Variants in BNC2 observed in about 807,000 individuals in gnomAD.
BNC2 encodes basonuclin zinc finger protein 2.
Under a neutral mutation model 76.3 loss-of-function variants are expected in BNC2, and 20 were observed. That is an observed-to-expected ratio of 0.26 (90% CI 0.18 to 0.38). The LOEUF (loss-of-function observed/expected upper bound fraction) is 0.38. Among genes scored for constraint, BNC2 ranks in the 10% least tolerant of loss-of-function variants. The pLI, the probability that BNC2 is intolerant of heterozygous loss-of-function variation, is 1.00. For missense variants in BNC2, 1,382 were observed against 1,399.8 expected, an observed-to-expected ratio of 0.99 and a Z score of 0.20; for synonymous variants, 582 against 514.8, an observed-to-expected ratio of 1.13 and a Z score of -1.77.
intron 3 of BNC2, among the ~76,000 whole-genome samples, chr9:16,606,449 T>C (rs1219808761): frequency 2.0e-5 from 3 of 152,066 alleles, no homozygotes; most frequent in East Asian, 1.9e-4. Context: ...GACAGACCCA[T>C]GGGAGATGGC....
At chr9:16,421,223 G>T (rs1820703101) in intron 6 of BNC2, 3 of 1,273,804 alleles carry the variant, frequency 2.4e-6, no homozygotes, top group Admixed American at 2.4e-5. Flanking sequence ...GCAGAGGGCA[G>T]CAGCCCTCTC....
At chr9:16,527,715 C>T (rs1817852913) in intron 5 of BNC2, among the ~76,000 whole-genome samples, 2 of 152,090 alleles carry the variant, frequency 1.3e-5, no homozygotes, top group East Asian at 1.9e-4. Flanking sequence ...TATTTATAAG[C>T]GAATAGTTAA....
At chr9:16,472,641 C>T (rs150499959) in intron 5 of BNC2, among the ~76,000 whole-genome samples, 10 of 152,170 alleles carry the variant, frequency 6.6e-5, no homozygotes, top group Non-Finnish European at 1.5e-4. Context: ...TGGTCCACTT[C>T]TTATAATCCT....
At chr9:16,433,657 C>T (rs1054732661) in intron 6 of BNC2, among the ~76,000 whole-genome samples, 4 of 152,278 alleles carry the variant, frequency 2.6e-5, no homozygotes, top group African/African-American at 4.8e-5. Context: ...AATATACAAG[C>T]GCTTGCGTTT....
intron 4 of BNC2, among the ~76,000 whole-genome samples, chr9:16,563,476 C>A (rs570318764): frequency 6.6e-5 from 10 of 152,106 alleles, no homozygotes; most frequent in African/African-American, 1.9e-4. Flanking sequence ...AATTATAAAT[C>A]ATTATTTGAT....
intron 3 of BNC2, among the ~76,000 whole-genome samples, chr9:16,622,727 G>A (rs960578059): frequency 6.6e-6 from 1 of 152,090 alleles, no homozygotes; most frequent in Non-Finnish European, 1.5e-5. Context: ...TAGGTGGGTG[G>A]CCAGGCCAGG....
chr9:16,679,026 A>G (rs559743178), intron 3 of BNC2, among the ~76,000 whole-genome samples: 2 of 152,296 alleles, frequency 1.3e-5, no homozygotes, highest in Admixed American at 6.5e-5. Flanking sequence ...TCTCACAGGA[A>G]CATTCGTATC....
intron 5 of BNC2, among the ~76,000 whole-genome samples, chr9:16,536,226 T>A (rs986864300): frequency 1.3e-5 from 2 of 152,220 alleles, no homozygotes; most frequent in Non-Finnish European, 2.9e-5. Context: ...GGTTCTTGTA[T>A]ACCTTTCTAT....
chr9:16,812,235 G>A (rs927616362), intron 1 of BNC2, among the ~76,000 whole-genome samples: 2 of 152,226 alleles, frequency 1.3e-5, no homozygotes, highest in African/African-American at 2.4e-5. Context: ...AGGGCTCTGG[G>A]CTTGGAGGTT....
At chr9:16,849,722 C>T (rs10481508) in intron 1 of BNC2, among the ~76,000 whole-genome samples, 127,573 of 152,000 alleles carry the variant, frequency 0.84, 54,418 homozygotes, top group Non-Finnish European at 0.93. Flanking sequence ...AGAAGTTCAA[C>T]AACACAGATT....
intron 1 of BNC2, among the ~76,000 whole-genome samples, chr9:16,753,622 C>A (rs936716951): frequency 6.6e-6 from 1 of 152,148 alleles, no homozygotes. Flanking sequence ...ACACTGCCAA[C>A]GGGTAAGTCT....
At chr9:16,438,721 T>C (rs1210936595) in intron 5 of BNC2, among the ~76,000 whole-genome samples, 2 of 151,530 alleles carry the variant, frequency 1.3e-5, no homozygotes, top group South Asian at 2.1e-4. Context: ...AATGACAAGA[T>C]ACTTATTAAT....
intron 5 of BNC2, among the ~76,000 whole-genome samples, chr9:16,539,660 G>A (rs1206351822): frequency 0.035 from 1,526 of 43,948 alleles, 207 homozygotes; most frequent in African/African-American, 0.13. Context: ...AGAGAGAAGG[G>A]AGGGAGGGAG....
chr9:16,831,910 T>A (rs73420790), intron 1 of BNC2, among the ~76,000 whole-genome samples: 1 of 152,174 alleles, frequency 6.6e-6, no homozygotes, highest in Non-Finnish European at 1.5e-5. Context: ...GCTATTAGAT[T>A]TGCACTCCTA....
In BNC2 at chr9:16,611,289, C is replaced by G. The variant is rs142315094; in HGVS notation, c.331-28204G>C. 3.2e-3 allele frequency among the ~76,000 whole-genome samples: 485 copies of G among 152,218 alleles called. 2 individuals are homozygous for G. Among genetic ancestry groups the G allele is most frequent in the African/African-American group, 0.011 (451 of 41,540 alleles). On this transcript the variant is annotated intron_variant, in intron 3 of 6. Coordinates refer to ENST00000380672, the MANE Select transcript of BNC2 (RefSeq NM_017637.6). ...AGCATCCATCCAGCCAGAGTTTTTT[C>G]TATAACCTGCACATGAAGGGAAGGG...
chr9:16,481,344 C>T (rs1329250812), intron 5 of BNC2, among the ~76,000 whole-genome samples: 1 of 152,108 alleles, frequency 6.6e-6, no homozygotes, highest in Non-Finnish European at 1.5e-5. Context: ...ATCGTGGAAG[C>T]TTTGTTCTTT....
rs1820466555 is a variant in BNC2, at chr9:16,411,781, A to G, written c.*7208T>C. The G allele has an allele frequency of 6.6e-6, 1 of 152,510 alleles. No individual in the cohort carries two copies. Among genetic ancestry groups the G allele is most frequent in the African/African-American group, 2.4e-5 (1 of 41,456 alleles). The allele number at this position is 152,510 out of a possible 1,614,324, so 9.4% of individuals were successfully genotyped here. On this transcript the variant is annotated 3_prime_UTR_variant, in exon 7 of 7. Coordinates refer to ENST00000380672, the MANE Select transcript of BNC2 (RefSeq NM_017637.6). ...CTCCTTGCTAAAGTTCATATGGAAGATGATACCGATACCTGCACGTGTCTT... is the reference window on the plus strand; with the variant it reads ...CTCCTTGCTAAAGTTCATATGGAAGGTGATACCGATACCTGCACGTGTCTT...
intron 3 of BNC2, among the ~76,000 whole-genome samples, chr9:16,649,546 G>GCATAT (rs368149342): frequency 1.7e-3 from 259 of 152,268 alleles, no homozygotes; most frequent in African/African-American, 6.1e-3. Context: ...AGAGGGAAAA[G>GCATAT]CATATTCTGT....
intron 1 of BNC2, among the ~76,000 whole-genome samples, chr9:16,756,301 TC>T (rs1369188919): frequency 6.6e-6 from 1 of 152,156 alleles, no homozygotes; most frequent in Admixed American, 6.5e-5. Context: ...TTATTTTATT[TC>T]CCCAACTACC....
Sources: gnomAD v4.1 joint callset for allele counts (sites outside exome capture counted in the v4.1 genomes callset) on GRCh38, gnomAD v4.1.1 for gene constraint, MANE v1.5 for transcripts, NCBI Gene and HGNC (gene_info 2026-07-23, HGNC 2026-07-21) for gene names.